TAB2: variants seen among roughly 807,000 people sequenced by gnomAD.
TAB2 encodes TGF-beta-activated kinase 1 and MAP3K7-binding protein 2.
A neutral mutation model predicts 65.0 loss-of-function variants in TAB2; 3 were observed. The observed-to-expected ratio is 0.05, with a 90% CI of 0.02 to 0.12. The LOEUF is 0.12. TAB2 is among the 10% of genes least tolerant of loss of function. The pLI, the probability that TAB2 is intolerant of heterozygous loss-of-function variation, is 1.00. For synonymous variants in TAB2, 298 were observed against 285.1 expected (o/e 1.05, Z -0.46); for missense variants, 623 against 840.3 (o/e 0.74, Z 3.20).
At chr6:149,330,288 C>A (rs1022307802) in intron 1 of TAB2, among the ~76,000 whole-genome samples, 1 of 152,084 alleles carries the variant, frequency 6.6e-6, no homozygotes, top group Non-Finnish European at 1.5e-5. Flanking sequence ...TGTGAAAATA[C>A]GTTTTCATCT....
chr6:149,253,648 G>A (rs1237018963), intron 1 of TAB2, among the ~76,000 whole-genome samples: 1 of 144,658 alleles, frequency 6.9e-6, no homozygotes, highest in East Asian at 2.0e-4. Context: ...AGAAAGCCAG[G>A]CATGATGGCT....
intron 1 of TAB2, among the ~76,000 whole-genome samples, chr6:149,349,321 G>A (rs1478274818): frequency 6.7e-6 from 1 of 148,812 alleles, no homozygotes; most frequent in African/African-American, 2.5e-5. Context: ...TTGGGAGGCT[G>A]AGGCAGGAGA....
intron 1 of TAB2, among the ~76,000 whole-genome samples, chr6:149,286,305 C>T (rs1231298157): frequency 6.6e-6 from 1 of 152,168 alleles, no homozygotes; most frequent in African/African-American, 2.4e-5. Flanking sequence ...GTGCACATCT[C>T]TATACAAGTT....
chr6:149,373,919 A>G (rs1781313003), intron 2 of TAB2, among the ~76,000 whole-genome samples: 1 of 152,194 alleles, frequency 6.6e-6, no homozygotes, highest in Non-Finnish European at 1.5e-5. Context: ...AAGCTTTGAA[A>G]AACTACTGGA....
intron 1 of TAB2, among the ~76,000 whole-genome samples, chr6:149,340,126 G>A (rs1780070205): frequency 6.6e-6 from 1 of 152,108 alleles, no homozygotes; most frequent in Non-Finnish European, 1.5e-5. Flanking sequence ...AATCTTTTAA[G>A]TTTCATCAAG....
chr6:149,402,706 G>T (rs985773249), intron 6 of TAB2, among the ~76,000 whole-genome samples: 2 of 152,128 alleles, frequency 1.3e-5, no homozygotes, highest in Non-Finnish European at 2.9e-5. Context: ...TATTACTGAT[G>T]AACATAGACG....
At chr6:149,219,675 G>A (rs79448374) in intron 1 of TAB2, among the ~76,000 whole-genome samples, 212 of 152,158 alleles carry the variant, frequency 1.4e-3, no homozygotes, top group African/African-American at 4.9e-3. Flanking sequence ...TGATTCACCC[G>A]CTGCACCTTA....
intron 2 of TAB2, among the ~76,000 whole-genome samples, chr6:149,373,517 T>C (rs759721794): frequency 6.6e-6 from 1 of 152,234 alleles, no homozygotes; most frequent in Non-Finnish European, 1.5e-5. Flanking sequence ...ATTCTTGCGA[T>C]CAGCGATCAT....
intron 6 of TAB2, among the ~76,000 whole-genome samples, chr6:149,403,293 C>A (rs13216664): frequency 1.6e-5 from 1 of 61,852 alleles, no homozygotes; most frequent in Admixed American, 1.7e-4. Context: ...TACACACACA[C>A]ACATATATAT....
chr6:149,319,188 T>G (rs1182021095), intron 1 of TAB2, among the ~76,000 whole-genome samples: 1 of 152,234 alleles, frequency 6.6e-6, no homozygotes, highest in Non-Finnish European at 1.5e-5. Flanking sequence ...GTTATGATGA[T>G]CATTATGCAA....
intron 1 of TAB2, among the ~76,000 whole-genome samples, chr6:149,248,946 C>G (rs1189258196): frequency 6.6e-6 from 1 of 152,176 alleles, no homozygotes; most frequent in Admixed American, 6.5e-5. Context: ...TCTCCCACGC[C>G]TCACCATCCC....
intron 1 of TAB2, among the ~76,000 whole-genome samples, chr6:149,277,939 A>G (rs1328501311): frequency 1.5e-5 from 2 of 132,760 alleles, no homozygotes; most frequent in African/African-American, 6.4e-5. Flanking sequence ...AGTCCTAGTT[A>G]CATACAGCAC....
At position 149,409,748 on chromosome 6, in the gene TAB2, C is replaced by T. The variant is rs1186205951; in HGVS notation, c.*29C>T. ...AAATGGCCCTGTATCTTCTCTAAAACCACATCTAAAGTTCAAGAAACTAGT... is the reference window on the plus strand; with the variant it reads ...AAATGGCCCTGTATCTTCTCTAAAATCACATCTAAAGTTCAAGAAACTAGT... On this transcript the variant is annotated 3_prime_UTR_variant, in exon 7 of 7. Transcript: ENST00000637181. 6.2e-7 allele frequency: 1 copy of T among 1,613,594 alleles called. No homozygotes were observed. The highest frequency in any genetic ancestry group is 1.7e-5 in the Admixed American group (1 of 60,010).
At position 149,238,612 on chromosome 6, in the gene TAB2, A is replaced by G. The variant is rs146844186; in HGVS notation, c.-121+19836A>G. Among the ~76,000 whole-genome samples the G allele has an allele frequency of 1.8e-4, 28 of 152,286 alleles. No individual in the cohort carries two copies. In the East Asian group the frequency reaches 5.2e-3, roughly 28 times the overall value. On this transcript the variant is annotated intron_variant, in intron 1 of 1. Transcript: ENST00000606202. ...AGATCATGGCTCCCCGGCTCCTCCA[A>G]GGATGACCATGTCCACCACGATACT...
chr6:149,313,346 G>C (rs773752322), upstream of TAB2, among the ~76,000 whole-genome samples: 1 of 151,754 alleles, frequency 6.6e-6, no homozygotes, highest in Non-Finnish European at 1.5e-5. Context: ...TGGCCTTCCC[G>C]AAACTCCATC....
At chr6:149,324,191 G>GC (rs1779533637) in intron 1 of TAB2, among the ~76,000 whole-genome samples, 1 of 152,120 alleles carries the variant, frequency 6.6e-6, no homozygotes, top group Non-Finnish European at 1.5e-5. Flanking sequence ...GTAGAGGTTG[G>GC]AAAGGTCCTG....
At chr6:149,232,274 C>T (rs930760557) in intron 1 of TAB2, among the ~76,000 whole-genome samples, 6 of 152,142 alleles carry the variant, frequency 3.9e-5, no homozygotes, top group Admixed American at 3.9e-4. Context: ...GTCGCCCAAG[C>T]TGGAGTGCAG....
chr6:149,317,142 T>A (rs1474858236), upstream of TAB2, among the ~76,000 whole-genome samples: 1 of 151,848 alleles, frequency 6.6e-6, no homozygotes, highest in East Asian at 2.0e-4. The surrounding 1 kb of genome is among the most constrained non-coding windows in gnomAD (Gnocchi z 4.7). Flanking sequence ...TAGGTGCAGC[T>A]GGGACGCGAG....
At chr6:149,244,747 G>C (rs976314582) in intron 1 of TAB2, 1 of 152,236 alleles carries the variant, frequency 6.6e-6, no homozygotes, top group Admixed American at 6.6e-5. Flanking sequence ...AGCCAGGCGT[G>C]GGGGTGCATG....
Sources: allele counts gnomAD v4.1 joint callset (sites outside exome capture counted in the v4.1 genomes callset), GRCh38; gene constraint gnomAD v4.1.1; non-coding constraint Gnocchi (gnomAD v3.1); transcripts MANE v1.5; gene names NCBI Gene and HGNC (gene_info 2026-07-23, HGNC 2026-07-21).